GALNT18: variants seen among roughly 807,000 people sequenced by gnomAD.
GALNT18 encodes polypeptide N-acetylgalactosaminyltransferase 18.
A neutral mutation model predicts 69.5 loss-of-function variants in GALNT18; 44 were observed. The observed-to-expected ratio is 0.63, with a 90% CI of 0.50 to 0.81. The LOEUF (loss-of-function observed/expected upper bound fraction) is 0.81, where lower values mean the gene tolerates loss of function less well. GALNT18 is among the 40% of genes least tolerant of loss of function. The pLI is 0.00. For missense variants in GALNT18, 715 were observed against 810.0 expected (o/e 0.88, Z 1.42); for synonymous variants, 364 against 318.2 (o/e 1.14, Z -1.53).
chr11:11,579,307 C>A lies in GALNT18; in HGVS notation c.235+42052G>T, dbSNP rs79742835. On this transcript the variant is annotated intron_variant, in intron 1 of 10. Coordinates refer to ENST00000227756, the MANE Select transcript of GALNT18 (RefSeq NM_198516.3). The stretch of plus-strand genomic sequence containing the variant: ...GAGTCGAGCCCCACCTGTCACCATA[C>A]TCTAGGTTTGACCAGGACTAGAAGA... Among the ~76,000 whole-genome samples, 378 of 152,304 alleles carry A rather than the reference C, an allele frequency of 2.5e-3. 5 individuals carry two copies. Among genetic ancestry groups the A allele is most frequent in the African/African-American group, 8.9e-3 (370 of 41,560 alleles).
chr11:11,281,844 C>T (rs1235664561), intron 10 of GALNT18, among the ~76,000 whole-genome samples: 1 of 151,978 alleles, frequency 6.6e-6, no homozygotes, highest in Admixed American at 6.6e-5. Context: ...GGGACACAAC[C>T]TCCGTGAGAA....
intron 3 of GALNT18, among the ~76,000 whole-genome samples, chr11:11,403,814 G>A (rs566484278): frequency 6.6e-6 from 1 of 152,358 alleles, no homozygotes; most frequent in East Asian, 1.9e-4. Context: ...AGTGCTGACG[G>A]TCTGTGGGCT....
At position 11,432,637 on chromosome 11, in the gene GALNT18, A is replaced by G. The variant is rs1227223509; in HGVS notation, c.579T>C (p.Asp193=). ...PHLLKEIILV[D]DNSSNEELKE... The stretch of plus-strand genomic sequence containing the variant: ...GACACTCACCGTTACTGCTGTTGTC[A>G]TCCACCAGAATGATCTCCTTGAGCA... The change falls in exon 3 of 11, where the codon GAT becomes GAC. Residue 193 remains aspartate, a synonymous_variant. Coordinates refer to ENST00000227756, the MANE Select transcript of GALNT18 (RefSeq NM_198516.3). This position sits in a 1 kb window ranked among gnomAD's most constrained non-coding sequence, Gnocchi z 5.8. The G allele has an allele frequency of 2.5e-6, 4 of 1,609,172 alleles. No individual in the cohort carries two copies. Among genetic ancestry groups the G allele is most frequent in the Non-Finnish European group, 2.5e-6 (3 of 1,177,808 alleles).
chr11:11,342,044 C>T (rs1850218555), intron 6 of GALNT18, among the ~76,000 whole-genome samples: 4 of 151,970 alleles, frequency 2.6e-5, no homozygotes, highest in Admixed American at 2.6e-4. Flanking sequence ...CAGAGTAGAG[C>T]CAATTTCTCC....
chr11:11,460,430 A>T (rs186019739), intron 1 of GALNT18, among the ~76,000 whole-genome samples: 13 of 152,136 alleles, frequency 8.5e-5, no homozygotes, highest in African/African-American at 3.1e-4. Flanking sequence ...CCACCCCAAC[A>T]CTCACTGAGT....
At chr11:11,352,941 G>A (rs765049384) in intron 6 of GALNT18, 2 of 1,613,986 alleles carry the variant, frequency 1.2e-6, no homozygotes, top group Admixed American at 1.7e-5. Context: ...TTCATTATTT[G>A]TGATGTTGAT....
In GALNT18 at chr11:11,605,335, T is replaced by C. The variant is rs1343034106; in HGVS notation, c.235+16024A>G. 6.6e-6 allele frequency among the ~76,000 whole-genome samples: 1 copy of C among 152,098 alleles called. No homozygotes were observed. Among genetic ancestry groups the C allele is most frequent in the Non-Finnish European group, 1.5e-5 (1 of 68,000 alleles). ...TTCCACAGGCAAGCAAGAAACACCC[T>C]CTTCTGATCTCCGGGTTGCCCTCTC... On this transcript the variant is annotated intron_variant, in intron 1 of 10. Coordinates refer to ENST00000227756, the MANE Select transcript of GALNT18 (RefSeq NM_198516.3). The surrounding 1 kb of genome is among the most constrained non-coding windows in gnomAD (Gnocchi z 4.7).
Position 11,341,142 on chromosome 11 carries a change from A to C in GALNT18, c.1093-138T>G, listed in dbSNP as rs1234252217. 1.4e-6 allele frequency: 1 copy of C among 706,084 alleles called. No homozygotes were observed. The highest frequency in any genetic ancestry group is 2.3e-6 in the Non-Finnish European group (1 of 433,030). 43.7% of individuals were successfully genotyped at this position (706,084 alleles called of 1,614,324 possible). A position where few individuals can be genotyped will look rare whatever the true frequency, so the allele number is the denominator to read the frequency against. On this transcript the variant is annotated intron_variant, in intron 6 of 10. Coordinates refer to ENST00000227756, the MANE Select transcript of GALNT18 (RefSeq NM_198516.3). The surrounding 1 kb of genome is among the most constrained non-coding windows in gnomAD (Gnocchi z 6.3). ...CTCCCCAGATCACTCTCTGTGAAGGAGTAGGCCATACCTGATTTCTGCTCC... is the reference window on the plus strand; with the variant it reads ...CTCCCCAGATCACTCTCTGTGAAGGCGTAGGCCATACCTGATTTCTGCTCC...
intron 10 of GALNT18, among the ~76,000 whole-genome samples, chr11:11,289,040 G>A (rs1345888308): frequency 6.6e-6 from 1 of 152,152 alleles, no homozygotes; most frequent in African/African-American, 2.4e-5. Context: ...GAACGTTCTA[G>A]TTGGTAGGAT....
intron 9 of GALNT18, among the ~76,000 whole-genome samples, chr11:11,302,473 A>AC (rs1405949183): frequency 2.0e-5 from 3 of 151,800 alleles, no homozygotes; most frequent in East Asian, 1.9e-4. Flanking sequence ...CTCTGCCTGC[A>AC]CCCCCCAGAC....
intron 9 of GALNT18, among the ~76,000 whole-genome samples, chr11:11,304,009 C>T (rs1289078992): frequency 2.0e-5 from 3 of 152,228 alleles, no homozygotes; most frequent in African/African-American, 7.2e-5. Context: ...GGTCTATGCT[C>T]TGGGACTCTG....
intron 3 of GALNT18, among the ~76,000 whole-genome samples, chr11:11,429,170 G>C (rs1212191664): frequency 6.6e-6 from 1 of 152,122 alleles, no homozygotes; most frequent in Non-Finnish European, 1.5e-5. Flanking sequence ...AGTGGCTTCT[G>C]CTCAGGTTCC....
chr11:11,400,554 A>G (rs766491871), intron 3 of GALNT18, among the ~76,000 whole-genome samples: 3 of 152,164 alleles, frequency 2.0e-5, no homozygotes, highest in Non-Finnish European at 2.9e-5. Flanking sequence ...ACAGAAATTT[A>G]TTTCTCACAG....
At chr11:11,317,242 AC>A (rs1849772351) in intron 9 of GALNT18, among the ~76,000 whole-genome samples, 1 of 152,190 alleles carries the variant, frequency 6.6e-6, no homozygotes, top group Non-Finnish European at 1.5e-5. Context: ...GAATATCACA[AC>A]GACAACAGAG....
At position 11,293,106 on chromosome 11, in the gene GALNT18, C is replaced by A; in HGVS notation, c.1600G>T (p.Val534Phe). Residue 534 changes from valine (V) to phenylalanine (F), a missense_variant, in exon 10 of 11, where the codon GTC becomes TTC. By Grantham distance (50) the Val-to-Phe change is conservative. Coordinates refer to ENST00000227756, the MANE Select transcript of GALNT18 (RefSeq NM_198516.3). ...DDDDNRCLVD[V>F]NSRPRLIECS... ...TCGATGAGCCGGGGCCGGCTGTTGA[C>A]GTCCACCAGGCATCGGTTGTCATCA... The A allele has an allele frequency of 7.3e-7, 1 of 1,375,630 alleles. No individual in the cohort carries two copies. The highest frequency in any genetic ancestry group is 9.5e-7 in the Non-Finnish European group (1 of 1,055,290). 85.2% of individuals were successfully genotyped at this position (1,375,630 alleles called of 1,614,324 possible).
At chr11:11,370,316 T>TTA (rs1343736879) in intron 6 of GALNT18, among the ~76,000 whole-genome samples, 1 of 152,170 alleles carries the variant, frequency 6.6e-6, no homozygotes, top group Non-Finnish European at 1.5e-5. Flanking sequence ...GTGTGCTGCT[T>TTA]TATAGAGGAA....
At position 11,379,273 on chromosome 11, in the gene GALNT18, G is replaced by A. The variant is rs1389921418; in HGVS notation, c.596-9C>T. The A allele has an allele frequency of 1.9e-6, 3 of 1,610,058 alleles. No homozygotes were observed. The South Asian group carries it at 3.3e-5, about 18-fold the overall frequency. On this transcript the variant is annotated splice_polypyrimidine_tract_variant and intron_variant, in intron 3 of 10. Transcript: ENST00000227756. The stretch of plus-strand genomic sequence containing the variant: ...CTTCTCCTTCAGTTCCTCTGTCAGG[G>A]AGAAAATGCAGCCTTAGCATGGGAG...
rs150220572 is a variant in GALNT18 at position 11,618,143 on chromosome 11, C to G, written c.235+3216G>C. 1.4e-4 allele frequency among the ~76,000 whole-genome samples: 21 copies of G among 152,302 alleles called. No individual in the cohort carries two copies. The highest frequency in any genetic ancestry group is 2.5e-4 in the Non-Finnish European group (17 of 68,030). ...AGAACAGACCTCTGGGGTGATGCTC[C>G]AAAGCCTCTTCTAATTGCAAGTCCT... On this transcript the variant is annotated intron_variant, in intron 1 of 10. Coordinates refer to ENST00000227756, the MANE Select transcript of GALNT18 (RefSeq NM_198516.3). The surrounding 1 kb of genome is among the most constrained non-coding windows in gnomAD (Gnocchi z 6.1).
chr11:11,422,592 G>A (rs1312109557), intron 3 of GALNT18, among the ~76,000 whole-genome samples: 1 of 151,990 alleles, frequency 6.6e-6, no homozygotes, highest in African/African-American at 2.4e-5. Context: ...AATACTGTTG[G>A]ACCATTCTTT....
Sources: gnomAD v4.1 joint callset for allele counts (sites outside exome capture counted in the v4.1 genomes callset) on GRCh38, gnomAD v4.1.1 for gene constraint, Gnocchi (gnomAD v3.1) non-coding constraint, MANE v1.5 for transcripts, NCBI Gene and HGNC (gene_info 2026-07-23, HGNC 2026-07-21) for gene names.